The following OSTN variants were observed in gnomAD, a reference collection of about 807,000 sequenced individuals.
The protein encoded by OSTN is osteocrin.
Under a neutral mutation model 12.0 loss-of-function variants are expected in OSTN, and 9 were observed. That is an observed-to-expected ratio of 0.75 (90% CI 0.45 to 1.30). The LOEUF (loss-of-function observed/expected upper bound fraction) is 1.30. Among genes scored for constraint, OSTN ranks in the 50% most tolerant of loss-of-function variants. OSTN has a pLI of 0.00. For synonymous variants in OSTN, 59 were observed against 56.9 expected, an observed-to-expected ratio of 1.04 and a Z score of -0.16; for missense variants, 148 against 152.3, an observed-to-expected ratio of 0.97 and a Z score of 0.15.
chr3:191,262,712 T>A (rs1366464771), intron 4 of OSTN, among the ~76,000 whole-genome samples, 154 bp from the exon 5 acceptor site: 1 of 152,252 alleles, frequency 6.6e-6, no homozygotes, highest in East Asian at 1.9e-4. Flanking sequence ...TTTTGCATTA[T>A]TGTCTTCAAA....
At chr3:191,256,860 C>T (rs1201620102) in intron 4 of OSTN, among the ~76,000 whole-genome samples, 1 of 151,992 alleles carries the variant, frequency 6.6e-6, no homozygotes, top group African/African-American at 2.4e-5. Context: ...CTTAAAACCT[C>T]TAAACTAGAC....
chr3:191,225,018 C>T (rs1027283393), intron 3 of OSTN, among the ~76,000 whole-genome samples: 9 of 151,658 alleles, frequency 5.9e-5, no homozygotes, highest in African/African-American at 2.2e-4. Flanking sequence ...TTATAAAGCA[C>T]AACATAAAAT....
intron 1 of OSTN, among the ~76,000 whole-genome samples, chr3:191,210,126 C>G (rs542190131): frequency 6.6e-6 from 1 of 152,180 alleles, no homozygotes; most frequent in Admixed American, 6.5e-5. Flanking sequence ...GAAGCAGGCA[C>G]GTCTTCACAT....
At chr3:191,218,719 A>C in intron 2 of OSTN, 28 bp from the exon 3 acceptor site, 1 of 1,586,266 alleles carries the variant, frequency 6.3e-7, no homozygotes, top group East Asian at 2.2e-5. Context: ...TGTCTAAATT[A>C]ACGGAATCGC....
intron 3 of OSTN, among the ~76,000 whole-genome samples, chr3:191,245,255 T>C (rs534591127): frequency 1.6e-4 from 24 of 152,330 alleles, no homozygotes; most frequent in African/African-American, 5.5e-4. Context: ...TTTGTCTTAT[T>C]CACTGTAGTA....
rs75645898 is a variant in OSTN, at chr3:191,225,356, T to C, written c.317+6395T>C. Among the ~76,000 whole-genome samples the C allele has an allele frequency of 7.8e-3, 1,180 of 152,252 alleles. 20 individuals carry two copies. Among genetic ancestry groups the C allele is most frequent in the African/African-American group, 0.027 (1,129 of 41,558 alleles). ...TTAATTTGCCAACAGAAGTACCAGA[T>C]TCAGATATTTTCACAGGAGAATTTT... On this transcript the variant is annotated intron_variant, in intron 3 of 4. Transcript: ENST00000682035.
intron 3 of OSTN, among the ~76,000 whole-genome samples, chr3:191,240,823 C>T (rs1280018902): frequency 3.3e-5 from 5 of 152,264 alleles, no homozygotes; most frequent in Admixed American, 3.3e-4. Context: ...TTAGCATGCA[C>T]TTAGGAAATG....
At chr3:191,237,658 G>A (rs563390527) in intron 3 of OSTN, among the ~76,000 whole-genome samples, 106 of 152,280 alleles carry the variant, frequency 7.0e-4, no homozygotes, top group African/African-American at 2.2e-3. Flanking sequence ...CTCTTAAAGC[G>A]CATGCTTGAG....
At chr3:191,251,379 G>A (rs554725358) in intron 4 of OSTN, among the ~76,000 whole-genome samples, 1 of 152,038 alleles carries the variant, frequency 6.6e-6, no homozygotes, top group African/African-American at 2.4e-5. Context: ...GTGCATGCCC[G>A]CTCCCTAACA....
chr3:191,259,588 C>G (rs1715756629), intron 4 of OSTN, among the ~76,000 whole-genome samples: 1 of 151,710 alleles, frequency 6.6e-6, no homozygotes, highest in African/African-American at 2.4e-5. Flanking sequence ...TGAGGTGTCT[C>G]CAAAGAAATA....
At position 191,259,603 on chromosome 3, in the gene OSTN, A is replaced by C. The variant is rs6805403; in HGVS notation, c.*13-3263A>C. Among the ~76,000 whole-genome samples, 1,246 of 151,812 alleles carry C rather than the reference A, an allele frequency of 8.2e-3. 36 individuals are homozygous for C. Among genetic ancestry groups the C allele is most frequent in the African/African-American group, 0.029 (1,196 of 41,484 alleles). On this transcript the variant is annotated intron_variant, in intron 4 of 4. Coordinates refer to ENST00000682035, the MANE Select transcript of OSTN (RefSeq NM_198184.2). Reference sequence around the variant, plus strand: ...TGAGGTGTCTCCAAAGAAATAAATGACCACCTCCAAAAAGTCAAAAGTCAC... The same window carrying C: ...TGAGGTGTCTCCAAAGAAATAAATGCCCACCTCCAAAAAGTCAAAAGTCAC...
At chr3:191,245,003 C>G (rs944643346) in intron 3 of OSTN, among the ~76,000 whole-genome samples, 1 of 152,128 alleles carries the variant, frequency 6.6e-6, no homozygotes, top group Non-Finnish European at 1.5e-5. Flanking sequence ...TCTGGAAGGT[C>G]TGTCAGGGGC....
At chr3:191,261,125 G>A (rs1348165629) in intron 4 of OSTN, among the ~76,000 whole-genome samples, 1 of 152,190 alleles carries the variant, frequency 6.6e-6, no homozygotes, top group East Asian at 1.9e-4. Context: ...CCAGCGGGGT[G>A]AAATTTTAAT....
intron 4 of OSTN, among the ~76,000 whole-genome samples, chr3:191,258,086 C>T (rs1715710196): frequency 6.6e-6 from 1 of 152,178 alleles, no homozygotes; most frequent in Non-Finnish European, 1.5e-5. Context: ...TGGAGTACCC[C>T]TTCTGAGTTT....
intron 3 of OSTN, among the ~76,000 whole-genome samples, chr3:191,244,313 T>A (rs1292058183): frequency 1.3e-5 from 2 of 152,044 alleles, no homozygotes; most frequent in African/African-American, 4.8e-5. Flanking sequence ...ATAAACAATC[T>A]AATCATTGTG....
chr3:191,259,603 ACCACCT>A (rs1715756983), intron 4 of OSTN, among the ~76,000 whole-genome samples: 1 of 151,700 alleles, frequency 6.6e-6, no homozygotes, highest in South Asian at 2.1e-4. Context: ...GAAATAAATG[ACCACCT>A]CCAAAAAGTC....
chr3:191,219,159 G>A (rs1354935319), intron 3 of OSTN, among the ~76,000 whole-genome samples, 198 bp downstream of exon 3: 1 of 152,326 alleles, frequency 6.6e-6, no homozygotes. Context: ...CTGCCGCAGT[G>A]TGCCTTAGCA....
intron 3 of OSTN, among the ~76,000 whole-genome samples, chr3:191,244,665 C>G (rs1044858596): frequency 3.4e-5 from 5 of 148,548 alleles, no homozygotes; most frequent in African/African-American, 9.8e-5. Context: ...TAACTACTAG[C>G]TTTCTGTTTC....
intron 3 of OSTN, among the ~76,000 whole-genome samples, chr3:191,232,349 A>AG: frequency 7.8e-6 from 1 of 128,548 alleles, no homozygotes; most frequent in East Asian, 2.1e-4. Context: ...AAAAAAAAAA[A>AG]AAAAAAAAAA....
Sources: gnomAD v4.1 joint callset for allele counts (sites outside exome capture counted in the v4.1 genomes callset) on GRCh38, gnomAD v4.1.1 for gene constraint, MANE v1.5 for transcripts, NCBI Gene and HGNC (gene_info 2026-07-23, HGNC 2026-07-21) for gene names.